The following ARL9 variants were observed in gnomAD, a reference collection of about 807,000 sequenced individuals.
ARL9 encodes the protein ADP-ribosylation factor-like protein 9.
In ARL9, 14 loss-of-function variants were observed where a neutral mutation model predicts 27.0. The ratio of observed to expected loss-of-function variants is 0.52; its 90% CI spans 0.34 to 0.81. The LOEUF (loss-of-function observed/expected upper bound fraction) is 0.81, where lower values mean the gene tolerates loss of function less well. Ranked by LOEUF, ARL9 falls within the 30% of genes least tolerant of loss-of-function variation. The pLI, the probability that ARL9 is intolerant of heterozygous loss-of-function variation, is 0.01. For synonymous variants in ARL9, 106 were observed against 108.7 expected, an observed-to-expected ratio of 0.98 and a Z score of 0.15; for missense variants, 294 against 290.0, an observed-to-expected ratio of 1.01 and a Z score of -0.10.
intron 1 of ARL9, among the ~76,000 whole-genome samples, chr4:56,506,818 G>A (rs1029806899): frequency 4.6e-5 from 7 of 151,600 alleles, no homozygotes; most frequent in African/African-American, 1.5e-4. Flanking sequence ...GTGTGTGTGT[G>A]TGTGTGTGTG....
rs1308793124 is a variant in ARL9 at position 56,505,899 on chromosome 4, A to G, written c.37A>G (p.Lys13Glu). Residue 13 changes from lysine to glutamate, a missense_variant, in exon 1 of 4, where the codon AAG (lysine) becomes GAG (glutamate). Lys to Glu is a moderately conservative substitution (Grantham distance 56). Transcript: ENST00000640821. The part of the protein sequence containing the change: ...RGKVKKKEKE[K>E]ETQEEKIGEK... ...GAAAGTGAAGAAGAAAGAGAAGGAA[A>G]AGGAGACGCAGGAGGAGAAAATCGG... 4 of 1,256,852 alleles carry G rather than the reference A, an allele frequency of 3.2e-6. No homozygotes were observed. The highest frequency in any genetic ancestry group is 3.0e-6 in the Non-Finnish European group (3 of 1,001,826). 77.9% of individuals were successfully genotyped at this position (1,256,852 alleles called of 1,614,324 possible). A position where few individuals can be genotyped will look rare whatever the true frequency, so the allele number is the denominator to read the frequency against.
chr4:56,518,544 C>T, intron 2 of ARL9, 134 bp from the exon 3 acceptor site: 5 of 745,808 alleles, frequency 6.7e-6, no homozygotes, highest in Non-Finnish European at 1.1e-5. Context: ...GGACTGGGTA[C>T]ACTCTAACAC....
chr4:56,510,216 G>A (rs957312082), intron 1 of ARL9, among the ~76,000 whole-genome samples: 32 of 151,516 alleles, frequency 2.1e-4, no homozygotes, highest in African/African-American at 7.3e-4. Flanking sequence ...ATTGCGGAGC[G>A]TGGTGGCATG....
intron 1 of ARL9, among the ~76,000 whole-genome samples, chr4:56,510,573 G>T (rs1408052327): frequency 6.6e-6 from 1 of 152,114 alleles, no homozygotes; most frequent in Admixed American, 6.6e-5. Context: ...GAAGCAAAAT[G>T]AAGTCTGAGA....
At chr4:56,520,068 T>C (rs530461348) in intron 3 of ARL9, among the ~76,000 whole-genome samples, 3 of 151,838 alleles carry the variant, frequency 2.0e-5, no homozygotes, top group Non-Finnish European at 4.4e-5. Flanking sequence ...AATGGCGCAA[T>C]TTCGGCTAAC....
chr4:56,506,716 G>T, intron 1 of ARL9: 10 of 980,490 alleles, frequency 1.0e-5, no homozygotes, highest in Non-Finnish European at 1.2e-5. Flanking sequence ...TGTGCTCCTG[G>T]AGTTCCTGAG....
chr4:56,514,632 A>T (rs1721724140), intron 2 of ARL9, among the ~76,000 whole-genome samples: 1 of 152,208 alleles, frequency 6.6e-6, no homozygotes, highest in Non-Finnish European at 1.5e-5. Flanking sequence ...CTCAATAAGA[A>T]ATAGGAATAT....
chr4:56,522,687 T>G (rs1156872777), intron 3 of ARL9, among the ~76,000 whole-genome samples: 1 of 152,240 alleles, frequency 6.6e-6, no homozygotes, highest in African/African-American at 2.4e-5. Context: ...ATGTATGTTT[T>G]GACCTTGCCA....
Position 56,523,685 on chromosome 4 carries a change from C to T in ARL9, c.619-12C>T, listed in dbSNP as rs751361237. 1.2e-6 allele frequency: 2 copies of T among 1,605,724 alleles called. No homozygotes were observed. The highest frequency in any genetic ancestry group is 1.7e-4 in the Middle Eastern group (1 of 6,012). On this transcript the variant is annotated splice_polypyrimidine_tract_variant and intron_variant, in intron 3 of 3. Coordinates refer to ENST00000640821, the MANE Select transcript of ARL9 (RefSeq NM_001363794.2). ...CCAACTTTGTCCTATTCTTATTCCA[C>T]TCCGGATGAAGGATCTTGAAGCAGC... is the stretch of plus-strand genomic sequence containing the variant.
intron 3 of ARL9, among the ~76,000 whole-genome samples, chr4:56,522,128 T>G (rs931505296): frequency 1.3e-5 from 2 of 151,914 alleles, no homozygotes; most frequent in African/African-American, 4.8e-5. Flanking sequence ...TGATAGAATT[T>G]GATAGGTTCG....
Position 56,518,706 on chromosome 4 carries a change from C to G in ARL9, c.471C>G (p.Tyr157Ter). The change falls in exon 3 of 4, where the codon TAC (tyrosine) becomes TAG (stop). Residue 157 changes from tyrosine to a stop codon, truncating the protein, a stop_gained. Coordinates refer to ENST00000640821, the MANE Select transcript of ARL9 (RefSeq NM_001363794.2). LOFTEE classifies it high-confidence loss of function. ...EIGGSKPFRSYWEMYLSKGLL... is the reference protein window; with the variant it reads ...EIGGSKPFRS ...GTGGCAGTAAACCTTTTCGGTCCTA[C>G]TGGGAAATGTACCTATCCAAGGGAT... 6.2e-7 allele frequency: 1 copy of G among 1,613,578 alleles called. No homozygotes were observed. The highest frequency in any genetic ancestry group is 8.5e-7 in the Non-Finnish European group (1 of 1,179,680).
intron 2 of ARL9, among the ~76,000 whole-genome samples, chr4:56,512,941 C>T (rs554013183): frequency 6.6e-6 from 1 of 152,094 alleles, no homozygotes; most frequent in Non-Finnish European, 1.5e-5. Flanking sequence ...GATCTGTCCA[C>T]CCAACTAGAT....
chr4:56,523,825 C>A lies in ARL9; in HGVS notation c.747C>A (p.Thr249=). 6.2e-7 allele frequency: 1 copy of A among 1,613,996 alleles called. No individual in the cohort carries two copies. The change falls in exon 4 of 4, where the codon ACC becomes ACA. Residue 249 remains threonine, a synonymous_variant. Transcript: ENST00000640821. Reference sequence around the variant, plus strand: ...AGAATGGCTCAGAGATACCCTCCACCATGCAAGATGCCAAAGACTTGATTG... The same window carrying A: ...AGAATGGCTCAGAGATACCCTCCACAATGCAAGATGCCAAAGACTTGATTG... The part of the protein sequence containing the change: ...LTKNGSEIPS[T]MQDAKDLIAQ...
chr4:56,506,205 G>A, intron 1 of ARL9, 64 bp downstream of exon 1: 1 of 1,230,854 alleles, frequency 8.1e-7, no homozygotes, highest in Non-Finnish European at 1.0e-6. Flanking sequence ...AGACCCCAGC[G>A]CTGTCTCTGT....
intron 1 of ARL9, among the ~76,000 whole-genome samples, chr4:56,506,928 G>A (rs1310880803): frequency 2.0e-5 from 3 of 151,536 alleles, no homozygotes; most frequent in African/African-American, 7.3e-5. Flanking sequence ...CTCAGTGACT[G>A]GCACTACAGG....
In ARL9 at chr4:56,511,341, C is replaced by T; in HGVS notation, c.436C>T (p.Leu146=). 6.2e-7 allele frequency: 1 copy of T among 1,612,084 alleles called. No individual in the cohort carries two copies. Among genetic ancestry groups the T allele is most frequent in the African/African-American group, 1.3e-5 (1 of 74,988 alleles). The change falls in exon 2 of 4, where the codon CTG becomes TTG. Residue 146 remains leucine (L), a synonymous_variant. Coordinates refer to ENST00000640821, the MANE Select transcript of ARL9 (RefSeq NM_001363794.2). ...CACTGAAGACAGCCAGATGGAGTTC[C>T]TGGAGAGTAAGCTCTCTGTTCCTTA... The part of the protein sequence containing the change: ...INTEDSQMEF[L]EIGGSKPFRS...
chr4:56,518,598 G>C, intron 2 of ARL9, 80 bp from the exon 3 acceptor site: 1 of 1,256,582 alleles, frequency 8.0e-7, no homozygotes, highest in Non-Finnish European at 1.1e-6. Flanking sequence ...CAGAAATCTA[G>C]ATGTGCCCTC....
At chr4:56,508,513 A>G (rs761581279) in intron 1 of ARL9, among the ~76,000 whole-genome samples, 1 of 151,918 alleles carries the variant, frequency 6.6e-6, no homozygotes, top group Non-Finnish European at 1.5e-5. Context: ...TAGCCTCCCC[A>G]GTAGCTGGGA....
chr4:56,510,041 T>C (rs957286614), intron 1 of ARL9, among the ~76,000 whole-genome samples: 2 of 151,992 alleles, frequency 1.3e-5, no homozygotes, highest in Admixed American at 6.6e-5. Context: ...AACCTTTTCA[T>C]TTAATTGTGA....
Sources: allele counts gnomAD v4.1 joint callset (sites outside exome capture counted in the v4.1 genomes callset), GRCh38; gene constraint gnomAD v4.1.1; transcripts MANE v1.5; gene names NCBI Gene and HGNC (gene_info 2026-07-23, HGNC 2026-07-21).